ELMO1: variants seen among roughly 807,000 people sequenced by gnomAD.
ELMO1 encodes engulfment and cell motility 1.
In ELMO1, 26 loss-of-function variants were observed where a neutral mutation model predicts 98.9. The ratio of observed to expected loss-of-function variants is 0.26; its 90% CI spans 0.19 to 0.36. ELMO1 has a LOEUF of 0.36. Among genes scored for constraint, ELMO1 ranks in the 10% least tolerant of loss-of-function variants. The pLI is 1.00. For missense variants in ELMO1, 627 were observed against 935.2 expected (o/e 0.67, Z 4.30); for synonymous variants, 346 against 346.0 (o/e 1.00, Z 0.00).
At chr7:37,406,160 G>A (rs1803749895) in intron 1 of ELMO1, among the ~76,000 whole-genome samples, 1 of 152,008 alleles carries the variant, frequency 6.6e-6, no homozygotes, top group African/African-American at 2.4e-5. Flanking sequence ...CAGGCCCTGT[G>A]TATAATTAGT....
At chr7:37,213,977 A>G (rs1170848971) in intron 11 of ELMO1, among the ~76,000 whole-genome samples, 1 of 152,220 alleles carries the variant, frequency 6.6e-6, no homozygotes, top group Non-Finnish European at 1.5e-5. Context: ...GGAGCTACAC[A>G]AGGATGTCTA....
chr7:37,166,680 T>G (rs1789718397), intron 13 of ELMO1, among the ~76,000 whole-genome samples: 1 of 152,224 alleles, frequency 6.6e-6, no homozygotes, highest in African/African-American at 2.4e-5. Context: ...AGTTCTAGTT[T>G]GATTGCACTG....
At chr7:37,397,404 G>T (rs1803342626) in intron 1 of ELMO1, among the ~76,000 whole-genome samples, 1 of 152,222 alleles carries the variant, frequency 6.6e-6, no homozygotes, top group Non-Finnish European at 1.5e-5. Context: ...GGAATACATA[G>T]GGTAAAGGTA....
chr7:37,273,130 T>C (rs1796658357), intron 4 of ELMO1, among the ~76,000 whole-genome samples: 4 of 152,220 alleles, frequency 2.6e-5, no homozygotes. Context: ...ACAAACAGCA[T>C]AAATAAGCAG....
intron 16 of ELMO1, among the ~76,000 whole-genome samples, chr7:36,970,924 G>A (rs182275640): frequency 5.9e-5 from 9 of 152,324 alleles, no homozygotes; most frequent in Admixed American, 5.9e-4. Flanking sequence ...GAGAGGCCAG[G>A]AGCCTTGCCA....
chr7:37,148,827 C>T (rs1788166967), intron 13 of ELMO1, among the ~76,000 whole-genome samples: 1 of 152,162 alleles, frequency 6.6e-6, no homozygotes, highest in Admixed American at 6.5e-5. Flanking sequence ...TTTTATGACC[C>T]CCTTTCTCCC....
intron 15 of ELMO1, among the ~76,000 whole-genome samples, chr7:37,035,780 C>T (rs1364458821): frequency 6.6e-6 from 1 of 152,182 alleles, no homozygotes; most frequent in Non-Finnish European, 1.5e-5. Context: ...CACTGTAATA[C>T]ACAATTTACC....
At chr7:37,351,206 T>C (rs374764538) in intron 1 of ELMO1, 1 of 152,252 alleles carries the variant, frequency 6.6e-6, no homozygotes, top group Admixed American at 6.5e-5. Flanking sequence ...GCATGACCCA[T>C]GTGTAATTTT....
intron 16 of ELMO1, among the ~76,000 whole-genome samples, chr7:36,926,089 G>T (rs1416104368): frequency 6.6e-6 from 1 of 152,102 alleles, no homozygotes; most frequent in East Asian, 1.9e-4. Context: ...GGCTACAACT[G>T]CAGGGTAATA....
At chr7:37,434,497 G>A (rs1258856273) in intron 1 of ELMO1, among the ~76,000 whole-genome samples, 2 of 152,132 alleles carry the variant, frequency 1.3e-5, no homozygotes, top group Admixed American at 1.3e-4. Flanking sequence ...TTTTAGAAAT[G>A]GTTAGATTCT....
intron 13 of ELMO1, among the ~76,000 whole-genome samples, chr7:37,167,389 A>G (rs1370202308): frequency 2.0e-5 from 3 of 151,976 alleles, no homozygotes; most frequent in African/African-American, 4.8e-5. Context: ...TTATGATGTT[A>G]GCTGGTTATT....
intron 16 of ELMO1, among the ~76,000 whole-genome samples, chr7:36,921,031 G>A (rs945299411): frequency 6.6e-6 from 1 of 152,182 alleles, no homozygotes; most frequent in African/African-American, 2.4e-5. Context: ...TTATAAAAGA[G>A]GTCCAAGGGA....
At chr7:37,150,558 C>T (rs1318400236) in intron 13 of ELMO1, among the ~76,000 whole-genome samples, 1 of 152,040 alleles carries the variant, frequency 6.6e-6, no homozygotes, top group East Asian at 1.9e-4. Context: ...ATATAAAATG[C>T]ATGCTAGTTG....
At position 37,192,068 on chromosome 7, in the gene ELMO1, G is replaced by A. The variant is rs75936852; in HGVS notation, c.1086+19318C>T. On this transcript the variant is annotated intron_variant, in intron 13 of 21. Transcript: ENST00000310758. ...CAGAAGAAGAAGAAAGATGCTAACA[G>A]TAGCAGTGTTTGCCTGTGGAAGGTG... Among the ~76,000 whole-genome samples the A allele has an allele frequency of 3.7e-3, 569 of 152,372 alleles. 4 individuals are homozygous for A. The highest frequency in any genetic ancestry group is 0.013 in the African/African-American group (532 of 41,592).
intron 1 of ELMO1, among the ~76,000 whole-genome samples, chr7:37,393,225 C>T (rs1161095557): frequency 4.6e-5 from 7 of 152,138 alleles, no homozygotes; most frequent in Admixed American, 2.6e-4. Context: ...TCCTGAACAA[C>T]TTGAGAGTAA....
At chr7:37,005,711 AAAAAAAAG>A (rs1793064058) in intron 16 of ELMO1, among the ~76,000 whole-genome samples, 1 of 151,148 alleles carries the variant, frequency 6.6e-6, no homozygotes, top group African/African-American at 2.4e-5. Flanking sequence ...AAAAAAAAAA[AAAAAAAAG>A]AGTCACTACT....
At chr7:36,888,650 C>A (rs1408326954) in intron 17 of ELMO1, among the ~76,000 whole-genome samples, 1 of 152,166 alleles carries the variant, frequency 6.6e-6, no homozygotes, top group African/African-American at 2.4e-5. Flanking sequence ...GAATACAAGT[C>A]TTTATTAAGC....
chr7:36,958,001 T>C (rs1788610032), intron 16 of ELMO1, among the ~76,000 whole-genome samples: 1 of 152,188 alleles, frequency 6.6e-6, no homozygotes. Context: ...CTTTGTAAAT[T>C]ATTTTACCAC....
chr7:36,921,078 A>G (rs1275346090), intron 16 of ELMO1, among the ~76,000 whole-genome samples: 1 of 152,200 alleles, frequency 6.6e-6, no homozygotes, highest in African/African-American at 2.4e-5. Context: ...GGACGCAAGA[A>G]GGCATCATCT....
Sources: allele counts gnomAD v4.1 joint callset (sites outside exome capture counted in the v4.1 genomes callset), GRCh38; gene constraint gnomAD v4.1.1; transcripts MANE v1.5; gene names NCBI Gene and HGNC (gene_info 2026-07-23, HGNC 2026-07-21).